DOCK3: variants seen among roughly 807,000 people sequenced by gnomAD.
DOCK3 encodes the protein dedicator of cytokinesis 3.
DOCK3 carries 60 observed loss-of-function variants against 265.6 expected under a neutral mutation model. That is an observed-to-expected ratio of 0.23 (90% CI 0.18 to 0.28). DOCK3 has a LOEUF of 0.28. DOCK3 is among the 10% of genes least tolerant of loss of function. The pLI, the probability that DOCK3 is intolerant of heterozygous loss-of-function variation, is 1.00. For missense variants in DOCK3, 1,981 were observed against 2,594.3 expected (o/e 0.76, Z 5.14); for synonymous variants, 881 against 938.0 (o/e 0.94, Z 1.11).
At chr3:50,830,673 G>A (rs537259398) in intron 2 of DOCK3, among the ~76,000 whole-genome samples, 23 of 152,274 alleles carry the variant, frequency 1.5e-4, no homozygotes, top group African/African-American at 5.3e-4. Flanking sequence ...TGCCGACACT[G>A]TTCTGCAGCT....
intron 32 of DOCK3, among the ~76,000 whole-genome samples, chr3:51,320,453 A>T (rs1272011212): frequency 6.6e-6 from 1 of 151,016 alleles, no homozygotes; most frequent in Admixed American, 6.6e-5. Flanking sequence ...ACCCCAGGGC[A>T]CCTGGAACGC....
chr3:51,321,024 C>G (rs760981508), intron 32 of DOCK3, among the ~76,000 whole-genome samples: 13 of 152,222 alleles, frequency 8.5e-5, no homozygotes, highest in Non-Finnish European at 1.5e-4. Flanking sequence ...CCCATGTCTC[C>G]TGACTGGGAG....
chr3:50,751,576 T>C (rs1289105276), intron 1 of DOCK3, among the ~76,000 whole-genome samples: 1 of 152,218 alleles, frequency 6.6e-6, no homozygotes, highest in Non-Finnish European at 1.5e-5. Context: ...CATAGTAGTC[T>C]TCCCATCTGA....
intron 5 of DOCK3, among the ~76,000 whole-genome samples, chr3:51,047,260 G>T (rs1231092757): frequency 4.2e-4 from 23 of 54,834 alleles, no homozygotes; most frequent in Admixed American, 3.1e-3. Context: ...CCTGTCATGA[G>T]GTTGGGGGAG....
At chr3:50,806,777 G>A (rs1435355289) in intron 2 of DOCK3, among the ~76,000 whole-genome samples, 1 of 152,048 alleles carries the variant, frequency 6.6e-6, no homozygotes, top group Non-Finnish European at 1.5e-5. Context: ...AGAGGAGGGA[G>A]CATTCCAGAG....
chr3:51,204,962 A>G (rs1382187333), intron 12 of DOCK3, among the ~76,000 whole-genome samples: 1 of 151,990 alleles, frequency 6.6e-6, no homozygotes, highest in Non-Finnish European at 1.5e-5. Flanking sequence ...TGGGAATTGA[A>G]CAATGGGAAC....
chr3:50,894,131 A>T (rs1230932849), intron 4 of DOCK3, among the ~76,000 whole-genome samples: 1 of 152,094 alleles, frequency 6.6e-6, no homozygotes, highest in African/African-American at 2.4e-5. Context: ...AAGTATAATT[A>T]AAAAAACAGG....
intron 5 of DOCK3, among the ~76,000 whole-genome samples, chr3:50,961,962 A>G (rs931819350): frequency 1.3e-5 from 2 of 151,600 alleles, no homozygotes; most frequent in African/African-American, 2.4e-5. Flanking sequence ...GTACACAACT[A>G]CTAGAAGTTA....
intron 27 of DOCK3, among the ~76,000 whole-genome samples, chr3:51,297,363 A>C (rs1424365882): frequency 6.6e-6 from 1 of 152,178 alleles, no homozygotes; most frequent in Non-Finnish European, 1.5e-5. Context: ...CAAAGTTAAA[A>C]ATTTTTGTGC....
At chr3:51,057,254 C>T (rs1297465535) in intron 5 of DOCK3, among the ~76,000 whole-genome samples, 3 of 152,278 alleles carry the variant, frequency 2.0e-5, no homozygotes, top group South Asian at 2.1e-4. Flanking sequence ...ACTTGGCATG[C>T]GTTTGTAAAG....
chr3:51,291,290 T>A, intron 27 of DOCK3, among the ~76,000 whole-genome samples: 2 of 146,188 alleles, frequency 1.4e-5, no homozygotes, highest in Non-Finnish European at 1.5e-5. Context: ...AGGAAAGAAA[T>A]AAGAAATATC....
At chr3:51,101,819 G>GACC in intron 9 of DOCK3, among the ~76,000 whole-genome samples, 1 of 152,126 alleles carries the variant, frequency 6.6e-6, no homozygotes, top group Non-Finnish European at 1.5e-5. Context: ...TTCTACTCCT[G>GACC]CCTCAAAGCC....
rs2089670533 is a variant in DOCK3 at position 51,214,392 on chromosome 3, A to C, written c.1252+145A>C. The C allele has an allele frequency of 5.0e-6, 6 of 1,202,886 alleles. No homozygotes were observed. In the South Asian group the frequency reaches 8.0e-5, roughly 16 times the overall value. 74.5% of individuals were successfully genotyped at this position (1,202,886 alleles called of 1,614,324 possible). ...CATCCCAAGTCAGGCTGCTTACTGC[A>C]GTCTGCAGTCAATGGCCCTTTGGCT... On this transcript the variant is annotated intron_variant, in intron 14 of 52. Coordinates refer to ENST00000266037, the MANE Select transcript of DOCK3 (RefSeq NM_004947.5).
At chr3:50,966,359 T>G (rs911227867) in intron 5 of DOCK3, among the ~76,000 whole-genome samples, 3 of 152,176 alleles carry the variant, frequency 2.0e-5, no homozygotes, top group Non-Finnish European at 4.4e-5. Flanking sequence ...ATGATAGTTC[T>G]GTTTTAATTT....
intron 2 of DOCK3, among the ~76,000 whole-genome samples, chr3:50,830,696 C>G (rs911938303): frequency 4.6e-5 from 7 of 152,156 alleles, no homozygotes; most frequent in Non-Finnish European, 1.0e-4. Context: ...TCTGTCAGTA[C>G]CAATTGTAGT....
At chr3:51,069,849 G>A (rs1420022618) in intron 6 of DOCK3, among the ~76,000 whole-genome samples, 1 of 152,190 alleles carries the variant, frequency 6.6e-6, no homozygotes, top group Non-Finnish European at 1.5e-5. Flanking sequence ...CCAGGATCTA[G>A]AAAGGTTTAT....
chr3:50,860,895 G>T (rs1202399709), intron 3 of DOCK3, among the ~76,000 whole-genome samples: 2 of 152,208 alleles, frequency 1.3e-5, no homozygotes, highest in Non-Finnish European at 2.9e-5. Flanking sequence ...TTTCCTAGGG[G>T]TACATACAGC....
chr3:51,101,113 CTTT>C (rs59972198), intron 9 of DOCK3, among the ~76,000 whole-genome samples: 4 of 122,536 alleles, frequency 3.3e-5, no homozygotes, highest in Non-Finnish European at 3.2e-5. Flanking sequence ...CTTAGTCTTT[CTTT>C]TTTTTTTTTT....
At chr3:50,842,419 T>G (rs1271059107) in intron 3 of DOCK3, among the ~76,000 whole-genome samples, 1 of 152,182 alleles carries the variant, frequency 6.6e-6, no homozygotes, top group African/African-American at 2.4e-5. Context: ...TGTTTAGAGT[T>G]CTAATAATCA....
Sources: allele counts gnomAD v4.1 joint callset (sites outside exome capture counted in the v4.1 genomes callset), GRCh38; gene constraint gnomAD v4.1.1; transcripts MANE v1.5; gene names NCBI Gene and HGNC (gene_info 2026-07-23, HGNC 2026-07-21).